TTC23: variants seen among roughly 807,000 people sequenced by gnomAD.
The protein encoded by TTC23 is tetratricopeptide repeat protein 23.
In TTC23, 58 loss-of-function variants were observed where a neutral mutation model predicts 55.1. The ratio of observed to expected loss-of-function variants is 1.05; its 90% confidence interval spans 0.85 to 1.31. The LOEUF (loss-of-function observed/expected upper bound fraction) is 1.31, where lower values mean the gene tolerates loss of function less well. Ranked by LOEUF, TTC23 falls within the 50% of genes most tolerant of loss-of-function variation. The probability of loss-of-function intolerance (pLI) is 0.00; values close to 1 mark genes in which losing one functional copy is unlikely to be tolerated. For missense variants in TTC23, 516 were observed against 534.4 expected (o/e 0.97, Z 0.34); for synonymous variants, 203 against 199.9 (o/e 1.02, Z -0.13).
intron 5 of TTC23, among the ~76,000 whole-genome samples, chr15:99,225,306 A>G (rs536380056): frequency 1.3e-5 from 2 of 152,200 alleles, no homozygotes; most frequent in Non-Finnish European, 2.9e-5. Flanking sequence ...AATAGGCATC[A>G]GTAAGGGGCA....
chr15:99,166,170 TC>T (rs2072050775), intron 10 of TTC23, among the ~76,000 whole-genome samples: 1 of 152,152 alleles, frequency 6.6e-6, no homozygotes, highest in Non-Finnish European at 1.5e-5. Context: ...AGGGGGCATT[TC>T]CCTGCCCTCT....
At chr15:99,204,667 G>C (rs1217273261) in intron 8 of TTC23, among the ~76,000 whole-genome samples, 2 of 62,770 alleles carry the variant, frequency 3.2e-5, no homozygotes, top group Non-Finnish European at 6.2e-5. Flanking sequence ...GACAGGTCTT[G>C]TTCTGTGGCC....
At chr15:99,196,758 C>A (rs941542702) in intron 9 of TTC23, among the ~76,000 whole-genome samples, 3 of 152,208 alleles carry the variant, frequency 2.0e-5, no homozygotes, top group Non-Finnish European at 2.9e-5. Context: ...ATTCTCCATA[C>A]CACAGAGTGG....
At chr15:99,215,259 T>C (rs1440096578) in intron 8 of TTC23, among the ~76,000 whole-genome samples, 1 of 152,096 alleles carries the variant, frequency 6.6e-6, no homozygotes, top group Non-Finnish European at 1.5e-5. Flanking sequence ...GTATTACAAA[T>C]ATTGTCTGTA....
intron 10 of TTC23, among the ~76,000 whole-genome samples, chr15:99,162,978 G>A (rs2071576147): frequency 6.6e-6 from 1 of 152,110 alleles, no homozygotes; most frequent in Non-Finnish European, 1.5e-5. Flanking sequence ...AGCTACTTGG[G>A]AGGCTGAAGT....
At chr15:99,187,364 TAAAAACTCTTAGAA>T (rs2074769612) in intron 9 of TTC23, among the ~76,000 whole-genome samples, 1 of 140,714 alleles carries the variant, frequency 7.1e-6, no homozygotes, top group African/African-American at 2.7e-5. Context: ...CTAAAAATTA[TAAAAACTCTTAGAA>T]GAAAACTCAG....
At chr15:99,183,884 C>A (rs745392650) in intron 9 of TTC23, among the ~76,000 whole-genome samples, 57 of 152,094 alleles carry the variant, frequency 3.7e-4, no homozygotes, top group Non-Finnish European at 7.2e-4. Flanking sequence ...GGCCCTGAGA[C>A]CTAGGAGGAA....
chr15:99,209,527 C>G (rs1041100861), intron 8 of TTC23, among the ~76,000 whole-genome samples: 1 of 152,156 alleles, frequency 6.6e-6, no homozygotes, highest in Non-Finnish European at 1.5e-5. Context: ...GGGCCACTTT[C>G]CAGCTTTATC....
At chr15:99,161,109 T>C (rs2071314377) in intron 11 of TTC23, 1 of 151,386 alleles carries the variant, frequency 6.6e-6, no homozygotes, top group African/African-American at 2.4e-5. Context: ...CACACATACA[T>C]ATATACATAT....
At chr15:99,150,265 C>T (rs2069525708) in intron 12 of TTC23, among the ~76,000 whole-genome samples, 1 of 152,200 alleles carries the variant, frequency 6.6e-6, no homozygotes, top group East Asian at 1.9e-4. Context: ...CCTCTTGTCT[C>T]CATTCTTGGT....
chr15:99,243,354 G>T (rs965017269), intron 2 of TTC23, among the ~76,000 whole-genome samples: 80 of 152,314 alleles, frequency 5.3e-4, no homozygotes, highest in Non-Finnish European at 8.2e-4. Flanking sequence ...ACAGATGCTG[G>T]TGAGGATGTG....
At chr15:99,240,886 AT>A (rs1322637431) in intron 3 of TTC23, among the ~76,000 whole-genome samples, 3 of 152,214 alleles carry the variant, frequency 2.0e-5, no homozygotes, top group Non-Finnish European at 4.4e-5. Context: ...GCCAAAAAAA[AT>A]GTACGTCTCT....
intron 8 of TTC23, among the ~76,000 whole-genome samples, chr15:99,217,436 C>T (rs764869469): frequency 8.5e-5 from 13 of 152,166 alleles, no homozygotes; most frequent in Non-Finnish European, 1.0e-4. Flanking sequence ...GGATTACAGG[C>T]ATGAGCCACT....
In TTC23 at chr15:99,241,884, CA is replaced by C. The variant is rs1403839692; in HGVS notation, c.-308-326del. ...GGACGGTGGCTCATGCCTGTAATAT[CA>C]GCACTGTGGGAGGCTGAGATGGGTT... On this transcript the variant is annotated intron_variant, in intron 2 of 13. Coordinates refer to ENST00000394132, the MANE Select transcript of TTC23 (RefSeq NM_001288615.3). 1.4e-4 allele frequency among the ~76,000 whole-genome samples: 22 copies of C among 152,298 alleles called. No homozygotes were observed. The East Asian group carries it at 4.1e-3, about 28-fold the overall frequency.
At chr15:99,240,513 T>C (rs1377549239) in intron 3 of TTC23, among the ~76,000 whole-genome samples, 4 of 152,192 alleles carry the variant, frequency 2.6e-5, no homozygotes, top group Non-Finnish European at 5.9e-5. Flanking sequence ...TTGTCAACAC[T>C]AGATCTATGC....
At chr15:99,222,329 C>A (rs1276460813) in intron 5 of TTC23, among the ~76,000 whole-genome samples, 1 of 151,994 alleles carries the variant, frequency 6.6e-6, no homozygotes, top group Non-Finnish European at 1.5e-5. Context: ...GGCTGGAGTA[C>A]AATGGCACGA....
At chr15:99,224,239 T>C (rs4965459) in intron 5 of TTC23, among the ~76,000 whole-genome samples, 27,922 of 152,242 alleles carry the variant, frequency 0.18, 2,707 homozygotes, top group Admixed American at 0.21. Context: ...ACAAAAATAA[T>C]GTATGCTCAT....
In TTC23 at chr15:99,161,866, A is replaced by T. The variant is rs761023267; in HGVS notation, c.867T>A (p.Asp289Glu). 1.3e-6 allele frequency: 2 copies of T among 1,593,372 alleles called. No individual in the cohort carries two copies. The highest frequency in any genetic ancestry group is 2.3e-5 in the South Asian group (2 of 86,960). ...TCTCTTGAAAATACTGCTCAGCTAC[A>T]TCTGAAGAAAAGCATTTATCATAAC... ...AVASGRHEHH[D>E]VAEQYFQESM... Residue 289 changes from aspartate to glutamate, a missense_variant and splice_region_variant, in exon 11 of 14, where the codon GAT (aspartate) becomes GAA (glutamate). Physicochemically the swap from Asp to Glu is conservative, Grantham distance 45. Transcript: ENST00000394132.
At chr15:99,145,372 A>G (rs1555492640) in intron 12 of TTC23, 1 of 152,244 alleles carries the variant, frequency 6.6e-6, no homozygotes, top group Non-Finnish European at 1.5e-5. Context: ...ACAACTTGTG[A>G]TAAGAGCTAC....
Sources: gnomAD v4.1 joint callset for allele counts (sites outside exome capture counted in the v4.1 genomes callset) on GRCh38, gnomAD v4.1.1 for gene constraint, MANE v1.5 for transcripts, NCBI Gene and HGNC (gene_info 2026-07-23, HGNC 2026-07-21) for gene names.